LRBA: variants seen among roughly 807,000 people sequenced by gnomAD.
LRBA encodes LPS responsive beige-like anchor protein.
LRBA carries 176 observed loss-of-function variants against 330.0 expected under a neutral mutation model. The ratio of observed to expected loss-of-function variants is 0.53; its 90% CI spans 0.47 to 0.60. The LOEUF is 0.60. Among genes scored for constraint, LRBA ranks in the 20% least tolerant of loss-of-function variants. The pLI is 0.00. For synonymous variants in LRBA, 1,230 were observed against 1,193.0 expected, an observed-to-expected ratio of 1.03 and a Z score of -0.64; for missense variants, 3,259 against 3,444.8, an observed-to-expected ratio of 0.95 and a Z score of 1.35.
At chr4:150,379,454 T>C (rs533189020) in intron 47 of LRBA, among the ~76,000 whole-genome samples, 1 of 152,114 alleles carries the variant, frequency 6.6e-6, no homozygotes, top group Non-Finnish European at 1.5e-5. Flanking sequence ...TTAAAATGGA[T>C]AGAAGACAGC....
intron 56 of LRBA, among the ~76,000 whole-genome samples, chr4:150,270,233 TA>T (rs1324863084): frequency 6.6e-6 from 1 of 152,142 alleles, no homozygotes; most frequent in Non-Finnish European, 1.5e-5. Context: ...AAAAGGACTG[TA>T]AAAAGGGACT....
At chr4:150,489,674 TA>T (rs1299343434) in intron 41 of LRBA, among the ~76,000 whole-genome samples, 1 of 124,922 alleles carries the variant, frequency 8.0e-6, no homozygotes, top group Non-Finnish European at 1.6e-5. Context: ...TAAGAATATA[TA>T]TTATATATAA....
chr4:151,003,552 T>TG (rs1222954118), intron 2 of LRBA, among the ~76,000 whole-genome samples: 1 of 152,036 alleles, frequency 6.6e-6, no homozygotes, highest in Non-Finnish European at 1.5e-5. Flanking sequence ...AGCATGGTAC[T>TG]GGCCTAAAAA....
chr4:150,944,601 A>C (rs927471061), intron 2 of LRBA, among the ~76,000 whole-genome samples: 1 of 152,254 alleles, frequency 6.6e-6, no homozygotes, highest in Non-Finnish European at 1.5e-5. Flanking sequence ...TATGGCAAGA[A>C]GACAGTTTTG....
At chr4:150,686,466 A>C (rs1026409908) in intron 36 of LRBA, among the ~76,000 whole-genome samples, 1 of 152,244 alleles carries the variant, frequency 6.6e-6, no homozygotes, top group Non-Finnish European at 1.5e-5. Context: ...GTTTAAGTGA[A>C]GATAACTAGG....
intron 47 of LRBA, among the ~76,000 whole-genome samples, chr4:150,356,937 CA>C (rs1352191508): frequency 6.6e-6 from 1 of 151,646 alleles, no homozygotes; most frequent in Non-Finnish European, 1.5e-5. Flanking sequence ...ACATTAAGAT[CA>C]ATAAGTCATG....
chr4:150,583,731 C>A lies in LRBA; in HGVS notation c.6330+4317G>T, dbSNP rs1312183707. On this transcript the variant is annotated intron_variant, in intron 40 of 56. Coordinates refer to ENST00000651943, the MANE Select transcript of LRBA (RefSeq NM_001364905.1). This position sits in a 1 kb window ranked among gnomAD's most constrained non-coding sequence, Gnocchi z 9.8. ...AGAGCGACGCCTGGGTGCTACAGTT[C>A]GGGGAGGCGGAGAACCGCCTGCTGA... 1.2e-6 allele frequency: 2 copies of A among 1,613,252 alleles called. No individual in the cohort carries two copies. Among genetic ancestry groups the A allele is most frequent in the Non-Finnish European group, 1.7e-6 (2 of 1,179,738 alleles).
chr4:150,914,970 TC>T (rs1236234634), intron 8 of LRBA, among the ~76,000 whole-genome samples: 1 of 152,070 alleles, frequency 6.6e-6, no homozygotes, highest in African/African-American at 2.4e-5. Context: ...GGTCATGCAG[TC>T]AATAAATGAC....
chr4:150,372,182 AG>A (rs1423889262), intron 47 of LRBA, among the ~76,000 whole-genome samples: 1 of 152,222 alleles, frequency 6.6e-6, no homozygotes, highest in Non-Finnish European at 1.5e-5. Flanking sequence ...AAAAACAACC[AG>A]TAAGTGTTTG....
chr4:150,642,899 T>C (rs536972723), intron 37 of LRBA, among the ~76,000 whole-genome samples: 34 of 151,934 alleles, frequency 2.2e-4, no homozygotes, highest in South Asian at 8.3e-4. Flanking sequence ...TTCTAAAGCA[T>C]TGGAATAGAA....
At chr4:151,006,237 G>C (rs1223193820) in intron 2 of LRBA, among the ~76,000 whole-genome samples, 1 of 152,120 alleles carries the variant, frequency 6.6e-6, no homozygotes, top group African/African-American at 2.4e-5. Context: ...TGAGGCAGGA[G>C]AATCACTTGA....
intron 2 of LRBA, 191 bp downstream of exon 2, chr4:151,014,236 T>A (rs1373690394): frequency 1.8e-6 from 1 of 545,244 alleles, no homozygotes; most frequent in Non-Finnish European, 3.3e-6. Flanking sequence ...ACCTGGATCA[T>A]CTAAGTTTGC....
chr4:150,440,863 G>A (rs1032493944), intron 44 of LRBA, among the ~76,000 whole-genome samples: 2 of 152,008 alleles, frequency 1.3e-5, no homozygotes, highest in African/African-American at 4.8e-5. Context: ...AAAAATCACT[G>A]TATTTAGGAT....
chr4:150,954,043 C>T lies in LRBA; in HGVS notation c.217-24978G>A, dbSNP rs1285352837. On this transcript the variant is annotated intron_variant, in intron 2 of 56. Coordinates refer to ENST00000651943, the MANE Select transcript of LRBA (RefSeq NM_001364905.1). ...CTGAGAAGTGAGGAGCCTCTCCGCC[C>T]GGCAGCCACCCCGTCTGGGAAGTGA... is the stretch of plus-strand genomic sequence containing the variant. Among the ~76,000 whole-genome samples the T allele has an allele frequency of 1.4e-4, 19 of 132,918 alleles. 1 individual carries two copies. The highest frequency in any genetic ancestry group is 4.2e-4 in the African/African-American group (15 of 35,846). 87.2% of individuals were successfully genotyped at this position (132,918 alleles called of 152,430 possible). A position where few individuals can be genotyped will look rare whatever the true frequency, so the allele number is the denominator to read the frequency against.
At chr4:150,997,352 T>C (rs1481188579) in intron 2 of LRBA, among the ~76,000 whole-genome samples, 8 of 152,250 alleles carry the variant, frequency 5.3e-5, no homozygotes, top group Admixed American at 4.6e-4. Context: ...AATTTATGTG[T>C]AATATTCAAG....
At chr4:151,013,484 GA>G (rs1330454277) in intron 2 of LRBA, 1 of 152,212 alleles carries the variant, frequency 6.6e-6, no homozygotes, top group African/African-American at 2.4e-5. Flanking sequence ...CTAGGCAACA[GA>G]GTGAGACCTC....
At chr4:150,859,926 T>C (rs1476410256) in intron 22 of LRBA, among the ~76,000 whole-genome samples, 1 of 152,234 alleles carries the variant, frequency 6.6e-6, no homozygotes, top group African/African-American at 2.4e-5. Context: ...TCAGAACTTA[T>C]ATTTTTAGAG....
intron 46 of LRBA, among the ~76,000 whole-genome samples, chr4:150,431,421 C>T (rs77920780): frequency 0.024 from 3,652 of 152,198 alleles, 151 homozygotes; most frequent in African/African-American, 0.081. Context: ...CAAAACAATG[C>T]TCTGAATCTG....
chr4:150,506,462 A>G (rs1761101905), intron 40 of LRBA, among the ~76,000 whole-genome samples: 2 of 152,338 alleles, frequency 1.3e-5, no homozygotes, highest in Non-Finnish European at 2.9e-5. Context: ...CATAAACAGA[A>G]CCAAAGACAA....
Sources: gnomAD v4.1 joint callset for allele counts (sites outside exome capture counted in the v4.1 genomes callset) on GRCh38, gnomAD v4.1.1 for gene constraint, Gnocchi (gnomAD v3.1) non-coding constraint, MANE v1.5 for transcripts, NCBI Gene and HGNC (gene_info 2026-07-23, HGNC 2026-07-21) for gene names.